Variants in DNAI7 observed in about 807,000 individuals in gnomAD.
DNAI7 encodes dynein axonemal intermediate chain 7.
A neutral mutation model predicts 86.6 loss-of-function variants in DNAI7; 78 were observed. The ratio of observed to expected loss-of-function variants is 0.90; its 90% CI spans 0.75 to 1.09. DNAI7 has a LOEUF of 1.09. Ranked by LOEUF, DNAI7 falls within the 50% of genes least tolerant of loss-of-function variation. DNAI7 has a pLI of 0.00. For synonymous variants in DNAI7, 274 were observed against 273.0 expected (o/e 1.00, Z -0.04); for missense variants, 753 against 810.2 (o/e 0.93, Z 0.86).
intron 9 of DNAI7, among the ~76,000 whole-genome samples, chr12:25,129,057 G>C (rs966202298): frequency 6.6e-6 from 1 of 152,024 alleles, no homozygotes; most frequent in African/African-American, 2.4e-5. Flanking sequence ...TACATCAGTC[G>C]CTGGCCTTCC....
chr12:25,114,510 T>C, intron 13 of DNAI7, 146 bp downstream of exon 13: 1 of 579,062 alleles, frequency 1.7e-6, no homozygotes, highest in Non-Finnish European at 3.1e-6. Flanking sequence ...GAAATATAGC[T>C]CAAGGTACAT....
rs778722054 is a variant in DNAI7, at chr12:25,195,020, G to A, written c.3+56C>T. ...CTCTTGATTACATTATTTAACACTGGTGAAGCAGAATCAGTGGTCGCCCCT... is the reference window on the plus strand; with the variant it reads ...CTCTTGATTACATTATTTAACACTGATGAAGCAGAATCAGTGGTCGCCCCT... On this transcript the variant is annotated intron_variant, in intron 1 of 15. Transcript: ENST00000395987. The A allele has an allele frequency of 2.5e-6, 4 of 1,614,224 alleles. No individual in the cohort carries two copies. In the South Asian group the frequency reaches 4.4e-5, roughly 18 times the overall value.
chr12:25,194,709 G>A (rs1246822075), intron 1 of DNAI7, among the ~76,000 whole-genome samples: 2 of 152,182 alleles, frequency 1.3e-5, no homozygotes, highest in African/African-American at 2.4e-5. Flanking sequence ...TTAACTGCTG[G>A]AGAAGTACTA....
intron 13 of DNAI7, among the ~76,000 whole-genome samples, chr12:25,112,729 G>A (rs1418047384): frequency 1.3e-5 from 2 of 151,954 alleles, no homozygotes; most frequent in Admixed American, 6.6e-5. Flanking sequence ...TTTTTTTAAT[G>A]TTAATAATAT....
chr12:25,174,854 C>T (rs995384294), intron 2 of DNAI7, among the ~76,000 whole-genome samples: 4 of 150,936 alleles, frequency 2.7e-5, no homozygotes, highest in Non-Finnish European at 5.9e-5. Context: ...AGTGATGTAA[C>T]TCAGGAATGG....
At chr12:25,113,273 TTGTTGC>T (rs1166102812) in intron 13 of DNAI7, among the ~76,000 whole-genome samples, 1 of 121,470 alleles carries the variant, frequency 8.2e-6, no homozygotes, top group Admixed American at 7.9e-5. Flanking sequence ...TAGTTTGTTG[TTGTTGC>T]TGTTGTTGTT....
chr12:25,110,592 T>A (rs1949747577), intron 14 of DNAI7, among the ~76,000 whole-genome samples: 1 of 152,154 alleles, frequency 6.6e-6, no homozygotes, highest in East Asian at 1.9e-4. Flanking sequence ...CTCGGGGCTC[T>A]TGCTCCAGTT....
chr12:25,140,003 G>T (rs752708604), intron 9 of DNAI7, among the ~76,000 whole-genome samples: 3 of 152,090 alleles, frequency 2.0e-5, no homozygotes, highest in Non-Finnish European at 4.4e-5. Context: ...ATCTCTTTAT[G>T]ATTACAACTC....
chr12:25,154,546 C>T (rs1289114458), intron 5 of DNAI7, 90 bp from the exon 6 acceptor site: 1 of 1,303,864 alleles, frequency 7.7e-7, no homozygotes, highest in African/African-American at 1.5e-5. Context: ...TTTTTATAAC[C>T]TAGTTTAACC....
At chr12:25,162,291 G>A (rs1317097824) in intron 2 of DNAI7, among the ~76,000 whole-genome samples, 1 of 152,166 alleles carries the variant, frequency 6.6e-6, no homozygotes, top group East Asian at 1.9e-4. Context: ...CACAGAGGGA[G>A]AATGGCAGTC....
downstream of DNAI7, among the ~76,000 whole-genome samples, chr12:25,107,388 A>G (rs1009606619): frequency 1.3e-5 from 2 of 152,188 alleles, no homozygotes; most frequent in African/African-American, 2.4e-5. Flanking sequence ...TACTATTTTC[A>G]GCTTCAGGCA....
rs974806222 is a variant in DNAI7 at position 25,156,604 on chromosome 12, G to A, written c.199-1192C>T. 7.9e-5 allele frequency among the ~76,000 whole-genome samples: 12 copies of A among 151,688 alleles called. 1 individual carries two copies. The highest frequency in any genetic ancestry group is 1.8e-4 in the Non-Finnish European group (12 of 67,842). On this transcript the variant is annotated intron_variant, in intron 4 of 15. Transcript: ENST00000395987. The stretch of plus-strand genomic sequence containing the variant: ...AAAAATACGAAAATTAGCCGGGCGC[G>A]GTGGCGGGTGCCTGTAATCTCTGCT...
intron 14 of DNAI7, among the ~76,000 whole-genome samples, chr12:25,111,305 C>A (rs1052767324): frequency 3.3e-5 from 5 of 152,160 alleles, no homozygotes; most frequent in African/African-American, 9.7e-5. Context: ...AAGGATCTTA[C>A]TGAACTAAAG....
Position 25,149,668 on chromosome 12 carries a change from A to G in DNAI7, c.545T>C (p.Leu182Pro). 1 of 1,606,682 alleles carries G rather than the reference A, an allele frequency of 6.2e-7. No individual in the cohort carries two copies. Among genetic ancestry groups the G allele is most frequent in the East Asian group, 2.2e-5 (1 of 44,670 alleles). The change falls in exon 7 of 16, where the codon CTT (leucine) becomes CCT (proline). Residue 182 changes from leucine (L) to proline (P), a missense_variant. Coordinates refer to ENST00000395987, the MANE Select transcript of DNAI7 (RefSeq NM_018272.5). Reference protein sequence around the residue: ...QESILQLQELLHLKFGVATEI... With the variant: ...QESILQLQELPHLKFGVATEI... Reference sequence around the variant, plus strand: ...TGTGGCTACACCGAATTTAAGATGAAGGAGCTCCTGCAGTTGTAGTATTGA... The same window carrying G: ...TGTGGCTACACCGAATTTAAGATGAGGGAGCTCCTGCAGTTGTAGTATTGA...
Position 25,110,259 on chromosome 12 carries a change from A to G in DNAI7, c.1780-19T>C, listed in dbSNP as rs756191923. On this transcript the variant is annotated intron_variant, in intron 14 of 15. Transcript: ENST00000395987. ...AAGGAACCTGTCAATATAAAAACAA[A>G]TAGAATTGATCTTTGAGCCTCCCAA... The G allele has an allele frequency of 3.6e-6, 5 of 1,385,824 alleles. No homozygotes were observed. In the South Asian group the frequency reaches 5.8e-5, roughly 16 times the overall value. The allele number at this position is 1,385,824 out of a possible 1,614,324, so 85.8% of individuals were successfully genotyped here. A position where few individuals can be genotyped will look rare whatever the true frequency, so the allele number is the denominator to read the frequency against.
intron 2 of DNAI7, among the ~76,000 whole-genome samples, chr12:25,180,520 G>T (rs1161744488): frequency 6.6e-6 from 1 of 152,176 alleles, no homozygotes; most frequent in Non-Finnish European, 1.5e-5. Context: ...GAGCCATCAC[G>T]TTACCAAACT....
intron 2 of DNAI7, among the ~76,000 whole-genome samples, chr12:25,178,940 G>A (rs1472001330): frequency 6.6e-6 from 1 of 150,456 alleles, no homozygotes; most frequent in Non-Finnish European, 1.5e-5. Flanking sequence ...TTCTCCTTTG[G>A]GTTTTATTCT....
chr12:25,113,631 T>C (rs937728361), intron 13 of DNAI7, among the ~76,000 whole-genome samples: 2 of 152,150 alleles, frequency 1.3e-5, no homozygotes, highest in African/African-American at 4.8e-5. Flanking sequence ...AGTTTAATAA[T>C]ATTCTAGGCT....
chr12:25,187,215 CTGTT>C (rs1355390057), intron 2 of DNAI7, among the ~76,000 whole-genome samples: 1 of 152,274 alleles, frequency 6.6e-6, no homozygotes, highest in East Asian at 1.9e-4. Flanking sequence ...ACCTCACTGT[CTGTT>C]CTAACCACAC....
Sources: allele counts gnomAD v4.1 joint callset (sites outside exome capture counted in the v4.1 genomes callset), GRCh38; gene constraint gnomAD v4.1.1; transcripts MANE v1.5; gene names NCBI Gene and HGNC (gene_info 2026-07-23, HGNC 2026-07-21).